The following MMS19 variants were observed in gnomAD, a reference collection of about 807,000 sequenced individuals.
MMS19 encodes MMS19 cytosolic iron-sulfur assembly component, also known as MMS19 nucleotide excision repair protein homolog.
Under a neutral mutation model 129.8 loss-of-function variants are expected in MMS19, and 77 were observed. The observed-to-expected ratio is 0.59, with a 90% CI of 0.49 to 0.72. The LOEUF is 0.72. Ranked by LOEUF, MMS19 falls within the 30% of genes least tolerant of loss-of-function variation. The pLI, the probability that MMS19 is intolerant of heterozygous loss-of-function variation, is 0.00. For synonymous variants in MMS19, 491 were observed against 502.8 expected (o/e 0.98, Z 0.31); for missense variants, 1,168 against 1,266.3 (o/e 0.92, Z 1.18).
At chr10:97,460,577 A>G in intron 25 of MMS19, 118 bp downstream of exon 25, 1 of 907,350 alleles carries the variant, frequency 1.1e-6, no homozygotes, top group South Asian at 1.5e-5. Context: ...GTCTCCAAAA[A>G]GAAAAAAGAA....
chr10:97,465,964 A>AC lies in MMS19; in HGVS notation c.1607-11dup. The AC allele has an allele frequency of 6.2e-7, 1 of 1,613,620 alleles. No individual in the cohort carries two copies. Among genetic ancestry groups the AC allele is most frequent in the Non-Finnish European group, 8.5e-7 (1 of 1,179,682 alleles). ...GTCAAATTTGACTCCCCTGAAAGCAACCCATGAGACAAAGGTTTACTGTGT... is the reference window on the plus strand; with the variant it reads ...GTCAAATTTGACTCCCCTGAAAGCAACCCCATGAGACAAAGGTTTACTGTGT... On this transcript the variant is annotated splice_polypyrimidine_tract_variant and intron_variant, in intron 17 of 30. Coordinates refer to ENST00000438925, the MANE Select transcript of MMS19 (RefSeq NM_022362.5).
At chr10:97,467,817 C>T (rs549539634) in intron 13 of MMS19, among the ~76,000 whole-genome samples, 1 of 151,780 alleles carries the variant, frequency 6.6e-6, no homozygotes, top group South Asian at 2.1e-4. Context: ...ATGCGTGCCA[C>T]CTTATCCAGC....
chr10:97,478,848 CAT>C (rs1001587955), intron 3 of MMS19, among the ~76,000 whole-genome samples: 1 of 151,922 alleles, frequency 6.6e-6, no homozygotes, highest in African/African-American at 2.4e-5. Flanking sequence ...TAATGTGTGA[CAT>C]AAATTATTTT....
chr10:97,469,605 T>C (rs116933945), intron 11 of MMS19, 41 bp downstream of exon 11: 20,667 of 1,517,166 alleles, frequency 0.014, 195 homozygotes, highest in Non-Finnish European at 0.017. Flanking sequence ...TGCCTGACAA[T>C]TGAAAGTTAA....
At chr10:97,462,144 C>G in intron 20 of MMS19, 25 bp from the exon 21 acceptor site, 1 of 1,516,372 alleles carries the variant, frequency 6.6e-7, no homozygotes, top group Non-Finnish European at 9.0e-7. Flanking sequence ...CTAGGTATGA[C>G]CAAGGAGCTA....
At chr10:97,470,258 C>G in intron 9 of MMS19, 55 bp from the exon 10 acceptor site, 1 of 1,245,056 alleles carries the variant, frequency 8.0e-7, no homozygotes, top group Non-Finnish European at 1.2e-6. Context: ...TCAGTCACAT[C>G]AAGGTCAACC....
chr10:97,494,711 C>T (rs145457220), intron 1 of MMS19, among the ~76,000 whole-genome samples: 1 of 152,310 alleles, frequency 6.6e-6, no homozygotes, highest in East Asian at 1.9e-4. Flanking sequence ...ATCACATTCT[C>T]TGAAAATCAG....
At chr10:97,493,449 T>C (rs531856131) in intron 1 of MMS19, among the ~76,000 whole-genome samples, 1 of 152,308 alleles carries the variant, frequency 6.6e-6, no homozygotes, top group Non-Finnish European at 1.5e-5. Flanking sequence ...CACGGGCCTG[T>C]AGTCTCAGCT....
At chr10:97,490,669 T>C (rs1231074875) in intron 1 of MMS19, among the ~76,000 whole-genome samples, 2 of 152,118 alleles carry the variant, frequency 1.3e-5, no homozygotes, top group Non-Finnish European at 2.9e-5. Context: ...AACTTCCAGT[T>C]CTCCTAAAGT....
intron 1 of MMS19, among the ~76,000 whole-genome samples, chr10:97,490,489 G>A (rs956341838): frequency 6.6e-6 from 1 of 152,194 alleles, no homozygotes; most frequent in African/African-American, 2.4e-5. Flanking sequence ...ATCTTCATAA[G>A]GCTTTGGTTC....
At chr10:97,466,733 A>T in intron 15 of MMS19, 43 bp downstream of exon 15, 1 of 1,613,802 alleles carries the variant, frequency 6.2e-7, no homozygotes, top group Non-Finnish European at 8.5e-7. Flanking sequence ...GTCTTACAAG[A>T]AAAGGACCAA....
intron 16 of MMS19, 73 bp from the exon 17 acceptor site, chr10:97,466,232 C>G: frequency 7.8e-7 from 1 of 1,280,466 alleles, no homozygotes; most frequent in Non-Finnish European, 1.1e-6. Context: ...TGATATTAGG[C>G]AGATTCAGGA....
At chr10:97,488,487 G>A (rs2038301186) in intron 1 of MMS19, among the ~76,000 whole-genome samples, 1 of 152,106 alleles carries the variant, frequency 6.6e-6, no homozygotes, top group Non-Finnish European at 1.5e-5. Context: ...CTGGCTCCAG[G>A]ACCTCCTGAG....
In MMS19 at chr10:97,461,824, T is replaced by G. The variant is rs753584162; in HGVS notation, c.2184+4A>C. 6.2e-7 allele frequency: 1 copy of G among 1,607,420 alleles called. No homozygotes were observed. The highest frequency in any genetic ancestry group is 1.3e-5 in the African/African-American group (1 of 74,920). On this transcript the variant is annotated splice_donor_region_variant and intron_variant, in intron 22 of 30. Coordinates refer to ENST00000438925, the MANE Select transcript of MMS19 (RefSeq NM_022362.5). ...AACAGTACTTCCCAAATGTGCTCAC[T>G]TACATTTCGAGGCAGGGAGCAGACA...
At chr10:97,498,166 A>G (rs1334765451) in intron 1 of MMS19, 107 bp downstream of exon 1, 10 of 1,056,800 alleles carry the variant, frequency 9.5e-6, no homozygotes, top group Admixed American at 2.8e-5. Context: ...CCTTGAGACC[A>G]ATCTCTCAAA....
At position 97,458,794 on chromosome 10, in the gene MMS19, A is replaced by G. The variant is rs370086750; in HGVS notation, c.3065+6T>C. 44 of 1,613,284 alleles carry G rather than the reference A, an allele frequency of 2.7e-5. No homozygotes were observed. Among genetic ancestry groups the G allele is most frequent in the Non-Finnish European group, 1.7e-6 (2 of 1,179,764 alleles). On this transcript the variant is annotated splice_donor_region_variant and intron_variant, in intron 30 of 30. Coordinates refer to ENST00000438925, the MANE Select transcript of MMS19 (RefSeq NM_022362.5). The stretch of plus-strand genomic sequence containing the variant: ...TCCCATCTCTCCCCACGACCTAGAA[A>G]CTCACCACTCCCCTCTGGCTGACAC...
intron 8 of MMS19, among the ~76,000 whole-genome samples, chr10:97,472,398 C>A (rs1479449545): frequency 6.6e-6 from 1 of 151,998 alleles, no homozygotes; most frequent in Non-Finnish European, 1.5e-5. Flanking sequence ...CCACCATGCC[C>A]GGCTAATTTT....
Position 97,463,913 on chromosome 10 carries a change from G to C in MMS19, c.1857C>G (p.Phe619Leu). 2 of 1,612,594 alleles carry C rather than the reference G, an allele frequency of 1.2e-6. No homozygotes were observed. Among genetic ancestry groups the C allele is most frequent in the South Asian group, 1.1e-5 (1 of 90,686 alleles). ...GCAGGCAAGGTATAGCTGTCTGGTG[G>C]AAATACCAGCAACTCTCAGGGTCCT... ...CQQDPESCWYFHQTAIPCLLA... is the reference protein window; with the variant it reads ...CQQDPESCWYLHQTAIPCLLA... The change falls in exon 19 of 31, where the codon TTC becomes TTG. Residue 619 changes from phenylalanine (F) to leucine (L), a missense_variant. By Grantham distance (22) the Phe-to-Leu change is conservative. Transcript: ENST00000438925.
intron 1 of MMS19, among the ~76,000 whole-genome samples, chr10:97,496,985 T>A (rs1203382433): frequency 6.6e-6 from 1 of 152,196 alleles, no homozygotes; most frequent in Non-Finnish European, 1.5e-5. Context: ...TATTCGAAAA[T>A]TTTCATAATA....
Sources: gnomAD v4.1 joint callset for allele counts (sites outside exome capture counted in the v4.1 genomes callset) on GRCh38, gnomAD v4.1.1 for gene constraint, MANE v1.5 for transcripts, NCBI Gene and HGNC (gene_info 2026-07-23, HGNC 2026-07-21) for gene names.